TMEM163: variants seen among roughly 807,000 people sequenced by gnomAD.
TMEM163 encodes the protein transmembrane protein 163.
In TMEM163, 17 loss-of-function variants were observed where a neutral mutation model predicts 29.3. The observed-to-expected ratio is 0.58, with a 90% CI of 0.40 to 0.87. The LOEUF (loss-of-function observed/expected upper bound fraction) is 0.87. Ranked by LOEUF, TMEM163 falls within the 40% of genes least tolerant of loss-of-function variation. The pLI is 0.00. For missense variants in TMEM163, 303 were observed against 381.5 expected (o/e 0.79, Z 1.71); for synonymous variants, 157 against 160.6 (o/e 0.98, Z 0.17).
intron 2 of TMEM163, among the ~76,000 whole-genome samples, chr2:134,688,894 G>C (rs1016774318): frequency 1.7e-4 from 26 of 152,194 alleles, no homozygotes; most frequent in African/African-American, 6.3e-4. Flanking sequence ...TGGCTAAGTG[G>C]CTAGTCCAAA....
At chr2:134,528,035 A>AT (rs775903821) in intron 4 of TMEM163, among the ~76,000 whole-genome samples, 2 of 152,306 alleles carry the variant, frequency 1.3e-5, no homozygotes, top group East Asian at 3.9e-4. Context: ...AATAAAACTA[A>AT]TTAAGAGGAC....
intron 4 of TMEM163, among the ~76,000 whole-genome samples, chr2:134,511,159 G>GGGC (rs367785569): frequency 4.0e-5 from 6 of 150,232 alleles, no homozygotes; most frequent in African/African-American, 1.2e-4. Context: ...AAGGCGGGGG[G>GGGC]GGGTGCTGTT....
intron 1 of TMEM163, among the ~76,000 whole-genome samples, chr2:134,718,484 G>A (rs956251363): frequency 1.3e-5 from 2 of 152,244 alleles, no homozygotes; most frequent in Non-Finnish European, 2.9e-5. Flanking sequence ...GAGGGCGCGA[G>A]TCCAGGCGGG....
intron 2 of TMEM163, among the ~76,000 whole-genome samples, chr2:134,622,909 T>A (rs1002689863): frequency 4.6e-5 from 7 of 152,050 alleles, no homozygotes; most frequent in African/African-American, 1.7e-4. Flanking sequence ...ATTACAGGCG[T>A]CCGCCACCAC....
intron 5 of TMEM163, 121 bp from the exon 6 acceptor site, chr2:134,466,346 G>A: frequency 1.3e-6 from 1 of 746,068 alleles, no homozygotes; most frequent in Non-Finnish European, 2.3e-6. Flanking sequence ...GCTGCCACCA[G>A]GTGGGGGTAT....
At chr2:134,496,520 T>C (rs907718136) in intron 5 of TMEM163, among the ~76,000 whole-genome samples, 1 of 152,120 alleles carries the variant, frequency 6.6e-6, no homozygotes, top group African/African-American at 2.4e-5. Flanking sequence ...ACCTGTTGAA[T>C]GGATGCACCA....
chr2:134,486,139 A>C (rs1313447675), intron 5 of TMEM163, among the ~76,000 whole-genome samples: 1 of 152,230 alleles, frequency 6.6e-6, no homozygotes, highest in Non-Finnish European at 1.5e-5. Context: ...TCTATGCACA[A>C]CACTCTTCAT....
chr2:134,573,607 G>A (rs1292470919), intron 2 of TMEM163, among the ~76,000 whole-genome samples: 1 of 152,200 alleles, frequency 6.6e-6, no homozygotes, highest in African/African-American at 2.4e-5. Context: ...GGCAGATACA[G>A]GCCAATTCAC....
chr2:134,474,169 C>T (rs779703402), intron 5 of TMEM163, among the ~76,000 whole-genome samples: 6 of 152,186 alleles, frequency 3.9e-5, no homozygotes, highest in South Asian at 2.1e-4. Flanking sequence ...CATGACCAAA[C>T]GGGGTTTATC....
chr2:134,713,064 C>T, intron 2 of TMEM163, 136 bp downstream of exon 2: 2 of 1,311,288 alleles, frequency 1.5e-6, no homozygotes, highest in South Asian at 1.5e-5. Context: ...TTTATCAGTA[C>T]CCTGACTATC....
chr2:134,685,898 G>A (rs991939116), intron 2 of TMEM163, among the ~76,000 whole-genome samples: 1 of 152,154 alleles, frequency 6.6e-6, no homozygotes, highest in Non-Finnish European at 1.5e-5. Flanking sequence ...TTCCAACCCC[G>A]AATGGCCTAA....
chr2:134,705,998 G>A (rs1169516900), intron 2 of TMEM163, among the ~76,000 whole-genome samples: 6 of 152,148 alleles, frequency 3.9e-5, no homozygotes, highest in East Asian at 1.9e-4. Context: ...CCCTGGCCAC[G>A]CTTCCAATTA....
At chr2:134,464,777 G>A (rs1378959549) in intron 6 of TMEM163, among the ~76,000 whole-genome samples, 1 of 152,008 alleles carries the variant, frequency 6.6e-6, no homozygotes, top group Non-Finnish European at 1.5e-5. Context: ...CCCGCCACCT[G>A]TCGACAGTCC....
intron 2 of TMEM163, among the ~76,000 whole-genome samples, chr2:134,628,151 T>C (rs1032435163): frequency 2.6e-5 from 4 of 152,224 alleles, no homozygotes; most frequent in Non-Finnish European, 5.9e-5. Context: ...AATCTTTGAG[T>C]CAACAATTTA....
intron 2 of TMEM163, among the ~76,000 whole-genome samples, chr2:134,625,878 C>T (rs1451210453): frequency 6.6e-6 from 1 of 152,168 alleles, no homozygotes; most frequent in Non-Finnish European, 1.5e-5. Context: ...GATACCCTGT[C>T]TCCCCAACCC....
At chr2:134,522,366 G>C (rs949828116) in intron 4 of TMEM163, among the ~76,000 whole-genome samples, 1 of 152,242 alleles carries the variant, frequency 6.6e-6, no homozygotes, top group Non-Finnish European at 1.5e-5. Context: ...GAATGCGTTT[G>C]AATTTGCTTC....
Position 134,669,286 on chromosome 2 carries a change from G to C in TMEM163, c.322+43914C>G, listed in dbSNP as rs572006397. ...ACTTTGGGCACGAGGTCCCTTCCTC[G>C]GTCACAAGGTACCGAGTCTCTCCAG... On this transcript the variant is annotated intron_variant, in intron 2 of 7. Transcript: ENST00000281924. Among the ~76,000 whole-genome samples the C allele has an allele frequency of 6.6e-5, 10 of 152,198 alleles. No homozygotes were observed. In the East Asian group the frequency reaches 1.9e-3, roughly 29 times the overall value.
chr2:134,467,705 A>G (rs1424261042), intron 5 of TMEM163: 1 of 152,192 alleles, frequency 6.6e-6, no homozygotes, highest in Admixed American at 6.5e-5. Flanking sequence ...CAAAAAGGTC[A>G]TCAGTGGGAA....
At chr2:134,702,625 G>A (rs2104893043) in intron 2 of TMEM163, among the ~76,000 whole-genome samples, 1 of 152,020 alleles carries the variant, frequency 6.6e-6, no homozygotes, top group South Asian at 2.1e-4. Flanking sequence ...AGCCTGGGTG[G>A]CAGAGAGAGA....
Sources: gnomAD v4.1 joint callset for allele counts (sites outside exome capture counted in the v4.1 genomes callset) on GRCh38, gnomAD v4.1.1 for gene constraint, MANE v1.5 for transcripts, NCBI Gene and HGNC (gene_info 2026-07-23, HGNC 2026-07-21) for gene names.